Variants in ARHGEF6 observed in about 807,000 individuals in gnomAD.
ARHGEF6 encodes the protein Rac/Cdc42 guanine nucleotide exchange factor 6.
In ARHGEF6, 9 loss-of-function variants were observed where a neutral mutation model predicts 70.3. The ratio of observed to expected loss-of-function variants is 0.13; its 90% CI spans 0.08 to 0.22. ARHGEF6 has a LOEUF of 0.22. Ranked by LOEUF, ARHGEF6 falls within the 10% of genes least tolerant of loss-of-function variation. The pLI is 1.00. For synonymous variants in ARHGEF6, 201 were observed against 207.8 expected (o/e 0.97, Z 0.28); for missense variants, 470 against 563.0 (o/e 0.83, Z 1.67).
chrX:136,753,174 T>C (rs577595576), intron 2 of ARHGEF6, among the ~76,000 whole-genome samples: 1 of 112,701 alleles, frequency 8.9e-6, no homozygotes. Flanking sequence ...TGGTTTTAAA[T>C]AATAGCTGTT....
At chrX:136,725,363 G>A (rs1442121393) in intron 6 of ARHGEF6, among the ~76,000 whole-genome samples, 2 of 98,616 alleles carry the variant, frequency 2.0e-5, no homozygotes, top group East Asian at 6.3e-4. Flanking sequence ...ATCAAATTAT[G>A]CCCCCCCCCC....
intron 9 of ARHGEF6, among the ~76,000 whole-genome samples, chrX:136,692,178 G>A (rs976901528): frequency 2.7e-5 from 3 of 111,680 alleles, no homozygotes; most frequent in South Asian, 3.7e-4. Flanking sequence ...ACATATGTTG[G>A]GCTGGGAATG....
intron 8 of ARHGEF6, among the ~76,000 whole-genome samples, 171 bp downstream of exon 8, chrX:136,708,504 T>C (rs1681087871): frequency 8.9e-6 from 1 of 112,326 alleles, no homozygotes; most frequent in African/African-American, 3.2e-5. Flanking sequence ...ACTAGTGGTT[T>C]GACACTGTGA....
intron 5 of ARHGEF6, among the ~76,000 whole-genome samples, chrX:136,742,236 G>A (rs1429224312): frequency 3.6e-5 from 4 of 111,349 alleles, no homozygotes; most frequent in African/African-American, 6.5e-5. Context: ...GGAGAATGGC[G>A]TGAACCCGGG....
chrX:136,703,066 T>C (rs757242171), intron 9 of ARHGEF6, among the ~76,000 whole-genome samples: 115 of 111,383 alleles, frequency 1.0e-3, no homozygotes, highest in African/African-American at 3.7e-3. Flanking sequence ...TGGAACCATA[T>C]GCACAAATTA....
chrX:136,685,845 T>C (rs888998636), intron 11 of ARHGEF6, 22 bp from the exon 12 acceptor site: 4 of 1,206,109 alleles, frequency 3.3e-6, no homozygotes, highest in South Asian at 1.8e-5. Flanking sequence ...AAGCAGAACA[T>C]AATGGAATAG....
At chrX:136,685,924 G>T in intron 11 of ARHGEF6, 101 bp from the exon 12 acceptor site, 1 of 907,751 alleles carries the variant, frequency 1.1e-6, no homozygotes, top group Non-Finnish European at 1.6e-6. Context: ...GGTTCCCACT[G>T]AGTCCCTATT....
intron 2 of ARHGEF6, among the ~76,000 whole-genome samples, chrX:136,750,724 T>C (rs906441175): frequency 8.9e-6 from 1 of 112,009 alleles, no homozygotes; most frequent in African/African-American, 3.3e-5. Flanking sequence ...CAGACAGGGA[T>C]TAAACTTTAT....
intron 9 of ARHGEF6, among the ~76,000 whole-genome samples, chrX:136,699,328 G>T (rs1450127239): frequency 9.1e-6 from 1 of 110,435 alleles, no homozygotes; most frequent in Non-Finnish European, 1.9e-5. Flanking sequence ...TATATGGAAA[G>T]TTTTAGAGTA....
intron 2 of ARHGEF6, among the ~76,000 whole-genome samples, chrX:136,762,664 G>T (rs181853808): frequency 9.0e-6 from 1 of 110,767 alleles, no homozygotes; most frequent in Non-Finnish European, 1.9e-5. Context: ...GCTAATTTTT[G>T]TATTTTTAGT....
chrX:136,687,835 A>C, intron 11 of ARHGEF6, 97 bp downstream of exon 11: 1 of 738,848 alleles, frequency 1.4e-6, no homozygotes, highest in South Asian at 2.1e-5. Context: ...TTCCATTCTA[A>C]AGACCTTTGT....
At chrX:136,751,272 A>G (rs144724067) in intron 2 of ARHGEF6, among the ~76,000 whole-genome samples, 4,239 of 112,321 alleles carry the variant, frequency 0.038, 93 homozygotes, top group Non-Finnish European at 0.06. Flanking sequence ...GTAAACTGCA[A>G]GAAGTTAATA....
At chrX:136,676,921 T>C in intron 17 of ARHGEF6, 1 of 408,228 alleles carries the variant, frequency 2.4e-6, no homozygotes. Flanking sequence ...CATTATCCTC[T>C]CAACTTGCAC....
chrX:136,672,114 G>C lies in ARHGEF6; in HGVS notation c.2041C>G (p.Arg681Gly). Reference protein sequence around the residue: ...NFQQGHGSSTRKDSIPQVLLP... With the variant: ...NFQQGHGSSTGKDSIPQVLLP... ...AGGACTTGTGGAATGGAATCTTTTCGAGTACCTACAAACAAGGGTTGCAAG... is the reference window on the plus strand; with the variant it reads ...AGGACTTGTGGAATGGAATCTTTTCCAGTACCTACAAACAAGGGTTGCAAG... Residue 681 changes from arginine (R) to glycine (G), a missense_variant, in exon 20 of 22, where the codon CGA becomes GGA. By Grantham distance (125) the Arg-to-Gly change is moderately radical. Around this residue, in one of 3 missense-constraint regions of ARHGEF6, gnomAD observed 88 missense variants for 95.5 expected, o/e 0.92. Coordinates refer to ENST00000250617, the MANE Select transcript of ARHGEF6 (RefSeq NM_004840.3). 8.4e-7 allele frequency: 1 copy of C among 1,197,387 alleles called. No homozygotes were observed. The highest frequency in any genetic ancestry group is 1.1e-6 in the Non-Finnish European group (1 of 882,514).
At chrX:136,746,461 C>T (rs2077096055) in intron 3 of ARHGEF6, among the ~76,000 whole-genome samples, 1 of 112,061 alleles carries the variant, frequency 8.9e-6, no homozygotes, top group Admixed American at 9.5e-5. Context: ...TATAATTACT[C>T]GATAGCTTCC....
At chrX:136,712,035 A>G (rs1392536382) in intron 7 of ARHGEF6, among the ~76,000 whole-genome samples, 1 of 112,629 alleles carries the variant, frequency 8.9e-6, no homozygotes, top group Non-Finnish European at 1.9e-5. Context: ...TAATTTGGAA[A>G]AGGGGAGAAT....
At position 136,685,779 on chromosome X, in the gene ARHGEF6, C is replaced by T. The variant is rs1303903632; in HGVS notation, c.1290G>A (p.Gln430=). ...ATGCCTGAATAGGTTCGGACAGTAT[C>T]TGTAACTCCAGCTGTTTTCTCTTCC... The part of the protein sequence containing the change: ...DLRKRKQLEL[Q]ILSEPIQAWE... Residue 430 remains glutamine (Q), a synonymous_variant, in exon 12 of 22, where the codon CAG becomes CAA. Transcript: ENST00000250617. 2 of 1,211,321 alleles carry T rather than the reference C, an allele frequency of 1.7e-6. No homozygotes were observed. Among genetic ancestry groups the T allele is most frequent in the Non-Finnish European group, 2.2e-6 (2 of 895,215 alleles).
At chrX:136,736,738 C>T (rs1284561857) in intron 5 of ARHGEF6, among the ~76,000 whole-genome samples, 1 of 110,746 alleles carries the variant, frequency 9.0e-6, no homozygotes, top group Non-Finnish European at 1.9e-5. Context: ...TCGGCCTCCT[C>T]TCAAAGAGCG....
Position 136,738,870 on chromosome X carries a change from G to A in ARHGEF6, c.661+4715C>T, listed in dbSNP as rs1447796444. ...AAATTTCATTTCAATAGTATATACT[G>A]CATCCATCCACTTCTCTTCCTCCCC... is the stretch of plus-strand genomic sequence containing the variant. On this transcript the variant is annotated intron_variant, in intron 5 of 21. Transcript: ENST00000250617. 1.4e-4 allele frequency among the ~76,000 whole-genome samples: 16 copies of A among 111,946 alleles called. No homozygotes were observed. The Admixed American group carries it at 1.5e-3, about 11-fold the overall frequency.
Sources: gnomAD v4.1 joint callset for allele counts (sites outside exome capture counted in the v4.1 genomes callset) on GRCh38, gnomAD v4.1.1 for gene constraint, gnomAD v4.1.1 regional missense constraint, MANE v1.5 for transcripts, NCBI Gene and HGNC (gene_info 2026-07-23, HGNC 2026-07-21) for gene names.